ZSWIM9: variants seen among roughly 807,000 people sequenced by gnomAD.
ZSWIM9 encodes zinc finger SWIM-type containing 9, also known as uncharacterized protein ZSWIM9.
ZSWIM9 carries 11 observed loss-of-function variants against 25.0 expected under a neutral mutation model. The ratio of observed to expected loss-of-function variants is 0.44; its 90% CI spans 0.28 to 0.73. The LOEUF (loss-of-function observed/expected upper bound fraction) is 0.73, where lower values mean the gene tolerates loss of function less well. Among genes scored for constraint, ZSWIM9 ranks in the 30% least tolerant of loss-of-function variants. The pLI is 0.16. For synonymous variants in ZSWIM9, 562 were observed against 582.1 expected (o/e 0.97, Z 0.50); for missense variants, 1,070 against 1,296.5 (o/e 0.83, Z 2.68).
chr19:48,190,889 A>C (rs1216374010), intron 3 of ZSWIM9, among the ~76,000 whole-genome samples: 1 of 152,114 alleles, frequency 6.6e-6, no homozygotes, highest in Non-Finnish European at 1.5e-5. Context: ...ACAGCTGGTG[A>C]CTTGATTTTA....
chr19:48,182,602 G>A lies in ZSWIM9; in HGVS notation c.423G>A (p.Leu141=). Residue 141 remains leucine (L), a synonymous_variant, in exon 3 of 4, where the codon CTG becomes CTA. Coordinates refer to ENST00000614654, the MANE Select transcript of ZSWIM9 (RefSeq NM_199341.4). This position sits in a 1 kb window ranked among gnomAD's most constrained non-coding sequence, Gnocchi z 4.6. ...FAYYFRPGHL[L]ANACLPVRTT... is the part of the protein sequence containing the mutation. ...ACTACTTCCGCCCGGGCCACCTGCT[G>A]GCCAACGCCTGCCTGCCGGTGCGCA... 1 of 1,535,880 alleles carries A rather than the reference G, an allele frequency of 6.5e-7. No homozygotes were observed. Among genetic ancestry groups the A allele is most frequent in the Non-Finnish European group, 8.7e-7 (1 of 1,146,722 alleles).
intron 3 of ZSWIM9, among the ~76,000 whole-genome samples, chr19:48,184,733 A>G (rs556997025): frequency 1.3e-5 from 2 of 152,336 alleles, no homozygotes; most frequent in Admixed American, 6.5e-5. Flanking sequence ...GAAATAGTCC[A>G]CCATTCTCAT....
intron 3 of ZSWIM9, among the ~76,000 whole-genome samples, chr19:48,183,796 C>T (rs926107613): frequency 3.0e-5 from 3 of 100,478 alleles, no homozygotes; most frequent in Admixed American, 1.9e-4. Flanking sequence ...ACCACCACAC[C>T]CAGCTAATTT....
At chr19:48,177,527 G>A (rs2036905344) in intron 2 of ZSWIM9, among the ~76,000 whole-genome samples, 1 of 152,186 alleles carries the variant, frequency 6.6e-6, no homozygotes, top group South Asian at 2.1e-4. Flanking sequence ...CCAGACAGGT[G>A]GAGAGAAATT....
chr19:48,195,448 G>T lies in ZSWIM9; in HGVS notation c.1384G>T (p.Ala462Ser), dbSNP rs1440371227. ...GCTGGAGGATGAGCCAGGGAGGGGAGCCCAGGGGGAGAACGAGAGGGTGAG... is the reference window on the plus strand; with the variant it reads ...GCTGGAGGATGAGCCAGGGAGGGGATCCCAGGGGGAGAACGAGAGGGTGAG... ...PWLEDEPGRGAQGENERVRGL... is the reference protein window; with the variant it reads ...PWLEDEPGRGSQGENERVRGL... Residue 462 changes from alanine to serine, a missense_variant, in exon 4 of 4, where the codon GCC (alanine) becomes TCC (serine). Around this residue, in one of 4 missense-constraint regions of ZSWIM9, gnomAD observed 583 missense variants for 624.7 expected, o/e 0.93. Transcript: ENST00000614654. The surrounding 1 kb of genome is among the most constrained non-coding windows in gnomAD (Gnocchi z 5.8). The T allele has an allele frequency of 3.5e-6, 5 of 1,432,430 alleles. No individual in the cohort carries two copies. The highest frequency in any genetic ancestry group is 1.5e-5 in the African/African-American group (1 of 67,456). The allele number at this position is 1,432,430 out of a possible 1,614,324, so 88.7% of individuals were successfully genotyped here.
At chr19:48,192,466 A>AGTATATAT (rs1480286362) in intron 3 of ZSWIM9, among the ~76,000 whole-genome samples, 1 of 22,808 alleles carries the variant, frequency 4.4e-5, no homozygotes, top group African/African-American at 1.2e-4. Context: ...AAAAAAAAAA[A>AGTATATAT]AAAAAAAAAA....
chr19:48,172,246 C>T (rs1402612500), intron 2 of ZSWIM9, among the ~76,000 whole-genome samples, 169 bp downstream of exon 2: 1 of 151,730 alleles, frequency 6.6e-6, no homozygotes, highest in Non-Finnish European at 1.5e-5. Flanking sequence ...GGGACATGTA[C>T]TGAGAGAAGA....
At chr19:48,175,755 CTT>C (rs923985745) in intron 2 of ZSWIM9, among the ~76,000 whole-genome samples, 6 of 152,128 alleles carry the variant, frequency 3.9e-5, no homozygotes, top group African/African-American at 1.2e-4. Flanking sequence ...CAGTGACTCT[CTT>C]GAAGTCACCA....
chr19:48,183,784 G>A (rs1407443635), intron 3 of ZSWIM9, among the ~76,000 whole-genome samples: 4 of 140,330 alleles, frequency 2.9e-5, no homozygotes, highest in Non-Finnish European at 4.5e-5. Flanking sequence ...CAACAGGCGT[G>A]CACCACCACA....
chr19:48,195,186 G>T lies in ZSWIM9; in HGVS notation c.1122G>T (p.Val374=). ...ACGCCCACGGCCCAGCCGCCTTCGT[G>T]GACTACTTCGAGCGCAACTGGGAGC... ...ELHAHGPAAF[V]DYFERNWEPR... The change falls in exon 4 of 4, where the codon GTG becomes GTT. Residue 374 remains valine (V), a synonymous_variant. Transcript: ENST00000614654. The surrounding 1 kb of genome is among the most constrained non-coding windows in gnomAD (Gnocchi z 5.8). 6.6e-7 allele frequency: 1 copy of T among 1,524,328 alleles called. No individual in the cohort carries two copies. Among genetic ancestry groups the T allele is most frequent in the South Asian group, 1.2e-5 (1 of 83,876 alleles). 94.4% of individuals were successfully genotyped at this position (1,524,328 alleles called of 1,614,324 possible).
At chr19:48,173,089 A>T (rs1286616734) in intron 2 of ZSWIM9, among the ~76,000 whole-genome samples, 1 of 152,106 alleles carries the variant, frequency 6.6e-6, no homozygotes, top group Non-Finnish European at 1.5e-5. Flanking sequence ...TGGGCTGGGG[A>T]TATTCTAGTT....
intron 3 of ZSWIM9, among the ~76,000 whole-genome samples, chr19:48,192,480 A>AATATATATATATATAT (rs1555787871): frequency 1.2e-3 from 21 of 17,364 alleles, no homozygotes; most frequent in Admixed American, 4.0e-3. Context: ...AAAAAAAAAA[A>AATATATATATATATAT]ATATATATAT....
intron 3 of ZSWIM9, chr19:48,190,439 G>C (rs1227772189): frequency 6.5e-6 from 1 of 154,808 alleles, no homozygotes; most frequent in Non-Finnish European, 1.5e-5. Flanking sequence ...GGGGAGTACT[G>C]TTTATCTGAG....
intron 2 of ZSWIM9, chr19:48,180,754 C>CTTTTTTTTTTTTTTTTTTTTTTT (rs71297705): frequency 7.4e-6 from 1 of 134,546 alleles, no homozygotes; most frequent in African/African-American, 2.8e-5. Context: ...TTTCTTTTTT[C>CTTTTTTTTTTTTTTTTTTTTTTT]TTTTTTTTTT....
intron 2 of ZSWIM9, among the ~76,000 whole-genome samples, chr19:48,179,150 C>T (rs1187885106): frequency 7.3e-5 from 11 of 150,910 alleles, no homozygotes; most frequent in African/African-American, 2.4e-4. Context: ...ATTTTTTTTT[C>T]CTATTCCCTT....
In ZSWIM9 at chr19:48,195,272, G is replaced by A. The variant is rs1346508309; in HGVS notation, c.1208G>A (p.Cys403Tyr). The A allele has an allele frequency of 2.6e-6, 4 of 1,529,678 alleles. No homozygotes were observed. In the Admixed American group the frequency reaches 7.9e-5, roughly 30 times the overall value. 94.8% of individuals were successfully genotyped at this position (1,529,678 alleles called of 1,614,324 possible). Reference sequence around the variant, plus strand: ...GAGGCGGCCAGAGACCTGGACGCGTGTGCCCTGGTGCGAGGCCACCGCCGG... The same window carrying A: ...GAGGCGGCCAGAGACCTGGACGCGTATGCCCTGGTGCGAGGCCACCGCCGG... ...AFEAARDLDA[C>Y]ALVRGHRRRL... The change falls in exon 4 of 4, where the codon TGT (cysteine) becomes TAT (tyrosine). Residue 403 changes from cysteine to tyrosine, a missense_variant. By Grantham distance (194) the Cys-to-Tyr change is radical (BLOSUM62 -2). This residue lies in a region of ZSWIM9 where 184 missense variants were observed against 243.1 expected (regional missense o/e 0.76). Transcript: ENST00000614654. The surrounding 1 kb of genome is among the most constrained non-coding windows in gnomAD (Gnocchi z 5.8).
chr19:48,178,450 G>A (rs1434325569), intron 2 of ZSWIM9, among the ~76,000 whole-genome samples: 2 of 152,156 alleles, frequency 1.3e-5, no homozygotes, highest in South Asian at 2.1e-4. Flanking sequence ...TTTAGGGGGT[G>A]TGTTACTGGG....
chr19:48,177,711 G>A (rs274876), intron 2 of ZSWIM9, among the ~76,000 whole-genome samples: 61,544 of 152,046 alleles, frequency 0.4, 12,864 homozygotes, highest in East Asian at 0.74. Flanking sequence ...TCAGACAAGG[G>A]TTTCACAAAA....
intron 2 of ZSWIM9, among the ~76,000 whole-genome samples, chr19:48,178,353 A>T (rs935424185): frequency 6.6e-6 from 1 of 152,142 alleles, no homozygotes; most frequent in Non-Finnish European, 1.5e-5. Context: ...TTAAGCATTT[A>T]TACTGGTGGA....
Sources: allele counts gnomAD v4.1 joint callset (sites outside exome capture counted in the v4.1 genomes callset), GRCh38; gene constraint gnomAD v4.1.1; regional missense constraint gnomAD v4.1.1; non-coding constraint Gnocchi (gnomAD v3.1); transcripts MANE v1.5; gene names NCBI Gene and HGNC (gene_info 2026-07-23, HGNC 2026-07-21).